Variants in BANP observed in about 807,000 individuals in gnomAD.
The protein encoded by BANP is protein BANP.
Under a neutral mutation model 68.1 loss-of-function variants are expected in BANP, and 11 were observed. The ratio of observed to expected loss-of-function variants is 0.16; its 90% CI spans 0.10 to 0.27. The LOEUF is 0.27. Among genes scored for constraint, BANP ranks in the 10% least tolerant of loss-of-function variants. BANP has a pLI of 1.00. For missense variants in BANP, 504 were observed against 722.7 expected (o/e 0.70, Z 3.47); for synonymous variants, 329 against 303.2 (o/e 1.09, Z -0.88).
In BANP at chr16:88,033,173, C is replaced by A. The variant is rs777704170; in HGVS notation, c.1128C>A (p.Ala376=). The A allele has an allele frequency of 1.5e-5, 24 of 1,611,788 alleles. No individual in the cohort carries two copies. The highest frequency in any genetic ancestry group is 4.2e-6 in the Non-Finnish European group (5 of 1,178,364). Residue 376 remains alanine, a synonymous_variant, in exon 9 of 14, where the codon GCC becomes GCA. Coordinates refer to ENST00000682872, the MANE Select transcript of BANP (RefSeq NM_001386991.1). ...CGCAGCCACAGCCGCAGCCGCAGGC[C>A]CTGCACTACGCGCTGGCCAACGCAC... ...ELPQPQPQPQ[A]LHYALANAQQ...
At chr16:88,042,183 T>C (rs1402417742) in intron 11 of BANP, among the ~76,000 whole-genome samples, 2 of 152,122 alleles carry the variant, frequency 1.3e-5, no homozygotes, top group Non-Finnish European at 2.9e-5. Flanking sequence ...GTGACCAGTG[T>C]TGGGGGGTAG....
At chr16:88,007,853 T>G (rs1039610941) in intron 6 of BANP, among the ~76,000 whole-genome samples, 20 of 138,264 alleles carry the variant, frequency 1.4e-4, no homozygotes, top group African/African-American at 6.3e-4. Context: ...TGAGTTGATC[T>G]TTTTTTTTTT....
chr16:88,068,950 T>G (rs1337195780), intron 12 of BANP, among the ~76,000 whole-genome samples: 1 of 150,992 alleles, frequency 6.6e-6, no homozygotes, highest in East Asian at 2.0e-4. Context: ...GCTCTCTCTT[T>G]CCTGCCCCTG....
intron 11 of BANP, among the ~76,000 whole-genome samples, chr16:88,056,185 A>G (rs978714890): frequency 6.6e-6 from 1 of 152,256 alleles, no homozygotes; most frequent in Non-Finnish European, 1.5e-5. Context: ...TGCCGCATGC[A>G]GCAGAGTGTT....
chr16:88,013,282 G>C (rs2073673081), intron 6 of BANP, among the ~76,000 whole-genome samples: 2 of 152,244 alleles, frequency 1.3e-5, no homozygotes, highest in Non-Finnish European at 2.9e-5. Flanking sequence ...GGGTTACTGT[G>C]AGGACTGAGG....
At chr16:88,058,360 C>T (rs993792591) in intron 11 of BANP, among the ~76,000 whole-genome samples, 4 of 152,190 alleles carry the variant, frequency 2.6e-5, no homozygotes, top group Non-Finnish European at 4.4e-5. Context: ...TGATGTCAGG[C>T]GCCTTCGTCG....
chr16:88,031,343 A>G (rs1434463331), intron 8 of BANP, among the ~76,000 whole-genome samples: 1 of 152,220 alleles, frequency 6.6e-6, no homozygotes, highest in Non-Finnish European at 1.5e-5. Flanking sequence ...TATTGCAAGT[A>G]TCAACATTCT....
At chr16:87,962,543 T>G (rs1486883459) in intron 1 of BANP, among the ~76,000 whole-genome samples, 2 of 152,174 alleles carry the variant, frequency 1.3e-5, no homozygotes, top group African/African-American at 4.8e-5. Context: ...GCCTAGACGC[T>G]TCTTAAGATG....
intron 11 of BANP, among the ~76,000 whole-genome samples, chr16:88,043,912 A>C (rs1020797575): frequency 2.6e-5 from 4 of 152,192 alleles, no homozygotes; most frequent in African/African-American, 9.7e-5. Flanking sequence ...TAAGAGTTGT[A>C]AGGATTGAAA....
At chr16:88,038,778 GA>G (rs1324615383) in intron 11 of BANP, among the ~76,000 whole-genome samples, 2 of 152,186 alleles carry the variant, frequency 1.3e-5, no homozygotes, top group Admixed American at 1.3e-4. Flanking sequence ...AGGTCCTGGT[GA>G]AGACCCTTTC....
intron 10 of BANP, 61 bp from the exon 11 acceptor site, chr16:88,037,912 T>C: frequency 6.5e-7 from 1 of 1,527,484 alleles, no homozygotes; most frequent in Non-Finnish European, 9.1e-7. Flanking sequence ...GTGTTTGCCG[T>C]GTCTGAGGGT....
At chr16:87,980,919 G>A (rs2063132131) in intron 2 of BANP, 117 bp from the exon 3 acceptor site, 1 of 687,022 alleles carries the variant, frequency 1.5e-6, no homozygotes, top group Admixed American at 2.3e-5. Context: ...ATATGAGATA[G>A]GTTCTGCTGT....
intron 1 of BANP, among the ~76,000 whole-genome samples, chr16:87,967,452 T>A (rs1567605331): frequency 1.3e-5 from 2 of 151,726 alleles, no homozygotes; most frequent in Non-Finnish European, 2.9e-5. Flanking sequence ...TTTATTGTTT[T>A]TTGGTTTTTG....
chr16:88,057,181 G>T lies in BANP; in HGVS notation c.1312-8086G>T. Among the ~76,000 whole-genome samples, 1 of 152,206 alleles carries T rather than the reference G, an allele frequency of 6.6e-6. No individual in the cohort carries two copies. The highest frequency in any genetic ancestry group is 1.9e-4 in the East Asian group (1 of 5,188). The stretch of plus-strand genomic sequence containing the variant: ...CTGGTGGGCGGGCCTGCCGTGTTGT[G>T]GTGGGGAGCGACTTCACACAGCTGG... On this transcript the variant is annotated intron_variant, in intron 11 of 13. Transcript: ENST00000682872. This position sits in a 1 kb window ranked among gnomAD's most constrained non-coding sequence, Gnocchi z 4.6.
At chr16:87,966,562 T>A (rs77518544) in intron 1 of BANP, 2,363 of 152,346 alleles carry the variant, frequency 0.016, 97 homozygotes, top group East Asian at 0.1. Flanking sequence ...GCATTTTGAG[T>A]AAACAACTCG....
At chr16:88,010,143 G>A (rs368298172) in intron 6 of BANP, among the ~76,000 whole-genome samples, 1 of 152,312 alleles carries the variant, frequency 6.6e-6, no homozygotes, top group South Asian at 2.1e-4. Flanking sequence ...AGTGTGTGGG[G>A]CCTCATCATT....
chr16:88,067,265 G>A (rs546451825), intron 12 of BANP, among the ~76,000 whole-genome samples: 44 of 152,212 alleles, frequency 2.9e-4, no homozygotes, highest in Non-Finnish European at 5.3e-4. Context: ...GGTCAGAGCC[G>A]CTGGGCTGGG....
At chr16:88,017,497 T>G (rs373586959) in intron 6 of BANP, 1 of 152,266 alleles carries the variant, frequency 6.6e-6, no homozygotes, top group African/African-American at 2.4e-5. Flanking sequence ...ATACCGTACT[T>G]GGTCAACCTG....
At position 88,003,117 on chromosome 16, in the gene BANP, C is replaced by T. The variant is rs757236548; in HGVS notation, c.363-1178C>T. 1.3e-5 allele frequency among the ~76,000 whole-genome samples: 2 copies of T among 152,148 alleles called. No individual in the cohort carries two copies. Among genetic ancestry groups the T allele is most frequent in the Non-Finnish European group, 2.9e-5 (2 of 68,020 alleles). ...ACTGTGGTGACCAAGCCAAAAGCCA[C>T]CTGGGTTACTTTCCATACCTGACCT... On this transcript the variant is annotated intron_variant, in intron 4 of 13. Coordinates refer to ENST00000682872, the MANE Select transcript of BANP (RefSeq NM_001386991.1). This position sits in a 1 kb window ranked among gnomAD's most constrained non-coding sequence, Gnocchi z 6.1.
Sources: gnomAD v4.1 joint callset for allele counts (sites outside exome capture counted in the v4.1 genomes callset) on GRCh38, gnomAD v4.1.1 for gene constraint, Gnocchi (gnomAD v3.1) non-coding constraint, MANE v1.5 for transcripts, NCBI Gene and HGNC (gene_info 2026-07-23, HGNC 2026-07-21) for gene names.